The following CALCRL variants were observed in gnomAD, a reference collection of about 807,000 sequenced individuals.
The protein encoded by CALCRL is calcitonin receptor like receptor.
A neutral mutation model predicts 60.4 loss-of-function variants in CALCRL; 27 were observed. That is an observed-to-expected ratio of 0.45 (90% CI 0.33 to 0.62). CALCRL has a LOEUF of 0.62. Among genes scored for constraint, CALCRL ranks in the 20% least tolerant of loss-of-function variants. CALCRL has a pLI of 0.03. For missense variants in CALCRL, 424 were observed against 540.7 expected (o/e 0.78, Z 2.14); for synonymous variants, 190 against 182.6 (o/e 1.04, Z -0.33).
intron 1 of CALCRL, among the ~76,000 whole-genome samples, chr2:187,418,181 T>A (rs1344556495): frequency 6.6e-6 from 1 of 152,194 alleles, no homozygotes; most frequent in African/African-American, 2.4e-5. Flanking sequence ...GAATTATCCA[T>A]GCTAATCCTG....
intron 1 of CALCRL, among the ~76,000 whole-genome samples, chr2:187,411,251 T>G (rs1040626033): frequency 2.8e-5 from 4 of 140,582 alleles, no homozygotes; most frequent in Non-Finnish European, 6.0e-5. Context: ...TGTAATAACT[T>G]AACATTATGT....
chr2:187,438,926 A>T (rs2105905950), intron 1 of CALCRL, among the ~76,000 whole-genome samples: 1 of 152,362 alleles, frequency 6.6e-6, no homozygotes. Context: ...ATATACAGTG[A>T]TTCTAACACC....
intron 1 of CALCRL, among the ~76,000 whole-genome samples, chr2:187,424,592 G>A (rs1690036953): frequency 6.6e-6 from 1 of 151,910 alleles, no homozygotes; most frequent in Admixed American, 6.6e-5. Flanking sequence ...AAAGGCATCT[G>A]GCCATTCCTA....
Position 187,378,936 on chromosome 2 carries a change from T to C in CALCRL, c.500+4A>G. 3.9e-6 allele frequency: 6 copies of C among 1,553,296 alleles called. No homozygotes were observed. Among genetic ancestry groups the C allele is most frequent in the Non-Finnish European group, 5.3e-6 (6 of 1,128,978 alleles). On this transcript the variant is annotated splice_donor_region_variant and intron_variant, in intron 8 of 14. Transcript: ENST00000392370. ...TTTTCTTAAAATATTTTAAATTTAC[T>C]TACTTGAAATAAAAGAATATGCCAA...
chr2:187,423,375 T>A (rs1413133804), intron 1 of CALCRL, among the ~76,000 whole-genome samples: 1 of 151,788 alleles, frequency 6.6e-6, no homozygotes, highest in South Asian at 2.1e-4. Context: ...TTTTTTTTTT[T>A]ACCAACTGTA....
intron 1 of CALCRL, among the ~76,000 whole-genome samples, chr2:187,404,655 T>A (rs1250616907): frequency 1.3e-5 from 2 of 151,306 alleles, no homozygotes; most frequent in Non-Finnish European, 3.0e-5. Flanking sequence ...GTGAGGAGTT[T>A]CCTTACTAAA....
chr2:187,363,409 C>T lies in CALCRL; in HGVS notation c.594G>A (p.Val198=). Residue 198 remains valine, a synonymous_variant, in exon 9 of 15, where the codon GTG becomes GTA. Transcript: ENST00000392370. The stretch of plus-strand genomic sequence containing the variant: ...TGGCTACTAAGGCCTGGTTGTTGGC[C>T]ACTGCAGTGAGGTGAATGATTGTTA... ...SVVTIIHLTA[V]ANNQALVATN... 6.2e-7 allele frequency: 1 copy of T among 1,611,384 alleles called. No individual in the cohort carries two copies. The highest frequency in any genetic ancestry group is 8.5e-7 in the Non-Finnish European group (1 of 1,178,646).
At chr2:187,350,645 TTTA>T (rs1157983457) in intron 14 of CALCRL, among the ~76,000 whole-genome samples, 21 of 151,568 alleles carry the variant, frequency 1.4e-4, no homozygotes, top group Non-Finnish European at 2.8e-4. Context: ...AACATTGAGT[TTTA>T]TTATATGTCA....
At chr2:187,362,163 CAG>C (rs1432189814) in intron 9 of CALCRL, among the ~76,000 whole-genome samples, 1 of 151,920 alleles carries the variant, frequency 6.6e-6, no homozygotes. Context: ...GCATTAGTAA[CAG>C]AGACAAAACA....
intron 1 of CALCRL, among the ~76,000 whole-genome samples, chr2:187,434,141 A>G (rs1690529796): frequency 6.6e-6 from 1 of 152,122 alleles, no homozygotes; most frequent in African/African-American, 2.4e-5. Context: ...GTTAGAGCTA[A>G]GATTCAAGAC....
chr2:187,427,975 A>G (rs1040000606), intron 1 of CALCRL, among the ~76,000 whole-genome samples: 2 of 152,154 alleles, frequency 1.3e-5, no homozygotes, highest in African/African-American at 2.4e-5. Context: ...AATGAAGTCT[A>G]CTGTCTGTGT....
chr2:187,445,265 C>G (rs1187383720), intron 1 of CALCRL, among the ~76,000 whole-genome samples: 1 of 151,486 alleles, frequency 6.6e-6, no homozygotes, highest in African/African-American at 2.4e-5. Context: ...GGTTTAATAG[C>G]TTCTCTGAAT....
intron 1 of CALCRL, among the ~76,000 whole-genome samples, chr2:187,425,450 G>A (rs1690077559): frequency 6.6e-6 from 1 of 151,706 alleles, no homozygotes; most frequent in Admixed American, 6.6e-5. Flanking sequence ...TAGCTTGAAA[G>A]TCTTATATTT....
intron 11 of CALCRL, 33 bp downstream of exon 11, chr2:187,359,179 T>G (rs752295669): frequency 6.3e-7 from 1 of 1,597,494 alleles, no homozygotes; most frequent in South Asian, 1.1e-5. Context: ...TTTACATTAT[T>G]CCAGTAGAAA....
chr2:187,391,430 A>G (rs1688440918), intron 1 of CALCRL, among the ~76,000 whole-genome samples: 1 of 152,138 alleles, frequency 6.6e-6, no homozygotes, highest in Admixed American at 6.6e-5. Flanking sequence ...TAATGAAAAG[A>G]GGTCAAGTTA....
At chr2:187,360,835 G>A in intron 9 of CALCRL, 84 bp from the exon 10 acceptor site, 2 of 1,265,054 alleles carry the variant, frequency 1.6e-6, no homozygotes, top group Non-Finnish European at 2.2e-6. Flanking sequence ...CAGGAAACAT[G>A]GAACATTCTC....
At chr2:187,362,079 A>T (rs1285778036) in intron 9 of CALCRL, among the ~76,000 whole-genome samples, 1 of 152,034 alleles carries the variant, frequency 6.6e-6, no homozygotes, top group Non-Finnish European at 1.5e-5. Context: ...TGATTTCATT[A>T]AAAAAGTTAA....
rs180853386 is a variant in CALCRL, at chr2:187,411,782, G to A, written c.-292-24026C>T. ...GAGGCTGAGGCGGGCGGATCACGAG[G>A]TCAGGAGATCGAGACCAGCCTGGCC... is the stretch of plus-strand genomic sequence containing the variant. On this transcript the variant is annotated intron_variant, in intron 1 of 14. Coordinates refer to ENST00000392370, the MANE Select transcript of CALCRL (RefSeq NM_005795.6). Among the ~76,000 whole-genome samples the A allele has an allele frequency of 2.8e-3, 429 of 151,806 alleles. 1 individual carries two copies. The highest frequency in any genetic ancestry group is 4.8e-3 in the Non-Finnish European group (325 of 67,882).
chr2:187,427,191 C>G (rs1176924676), intron 1 of CALCRL, among the ~76,000 whole-genome samples: 1 of 152,136 alleles, frequency 6.6e-6, no homozygotes, highest in Non-Finnish European at 1.5e-5. Context: ...AAGCTTGTAG[C>G]TTCGAAGTTT....
Sources: allele counts gnomAD v4.1 joint callset (sites outside exome capture counted in the v4.1 genomes callset), GRCh38; gene constraint gnomAD v4.1.1; transcripts MANE v1.5; gene names NCBI Gene and HGNC (gene_info 2026-07-23, HGNC 2026-07-21).